The following CNOT4 variants were observed in gnomAD, a reference collection of about 807,000 sequenced individuals.
The protein encoded by CNOT4 is CCR4-associated factor 4.
CNOT4 carries 8 observed loss-of-function variants against 73.8 expected under a neutral mutation model. The observed-to-expected ratio is 0.11, with a 90% CI of 0.06 to 0.20. The LOEUF (loss-of-function observed/expected upper bound fraction) is 0.20, where lower values mean the gene tolerates loss of function less well. Among genes scored for constraint, CNOT4 ranks in the 10% least tolerant of loss-of-function variants. The pLI, the probability that CNOT4 is intolerant of heterozygous loss-of-function variation, is 1.00. For synonymous variants in CNOT4, 293 were observed against 321.1 expected (o/e 0.91, Z 0.94); for missense variants, 564 against 883.4 (o/e 0.64, Z 4.58).
chr7:135,462,424 C>T (rs1255683006), intron 1 of CNOT4, among the ~76,000 whole-genome samples: 2 of 151,996 alleles, frequency 1.3e-5, no homozygotes, highest in Non-Finnish European at 2.9e-5. Flanking sequence ...ATCCCATCTG[C>T]ACTCTAAGAG....
rs181165517 is a variant in CNOT4, at chr7:135,495,762, G to T, written c.-93+14127C>A. ...AGAAAGAAAGAAAGAAAGAAAGAAA[G>T]AAATTTAAGAACATTCAGGGCTGGG... On this transcript the variant is annotated intron_variant, in intron 1 of 11. Coordinates refer to ENST00000541284, the MANE Select transcript of CNOT4 (RefSeq NM_001190850.2). Among the ~76,000 whole-genome samples the T allele has an allele frequency of 5.1e-3, 657 of 129,256 alleles. 7 individuals carry two copies. The highest frequency in any genetic ancestry group is 0.01 in the African/African-American group (338 of 32,702). 84.8% of individuals were successfully genotyped at this position (129,256 alleles called of 152,430 possible).
intron 7 of CNOT4, among the ~76,000 whole-genome samples, chr7:135,404,924 G>A (rs1268243974): frequency 6.6e-6 from 1 of 152,068 alleles, no homozygotes; most frequent in Non-Finnish European, 1.5e-5. Flanking sequence ...CAAGCCTCAA[G>A]CACCAGATAT....
chr7:135,431,068 C>A (rs1177562479), intron 2 of CNOT4, among the ~76,000 whole-genome samples: 1 of 152,078 alleles, frequency 6.6e-6, no homozygotes, highest in African/African-American at 2.4e-5. Flanking sequence ...AGTTCAAGAC[C>A]AGCCTGGGCA....
chr7:135,386,763 G>A (rs1399470547), intron 10 of CNOT4: 1 of 152,228 alleles, frequency 6.6e-6, no homozygotes, highest in Non-Finnish European at 1.5e-5. Context: ...TGGGGGTGGG[G>A]AGGAGAAGCA....
intron 1 of CNOT4, among the ~76,000 whole-genome samples, chr7:135,447,910 A>G (rs958316494): frequency 5.9e-5 from 9 of 152,216 alleles, no homozygotes; most frequent in African/African-American, 2.2e-4. Flanking sequence ...ATTGTTAAAG[A>G]CAATAGAGTA....
chr7:135,448,144 G>T (rs962874642), intron 1 of CNOT4, among the ~76,000 whole-genome samples: 1 of 152,096 alleles, frequency 6.6e-6, no homozygotes, highest in Non-Finnish European at 1.5e-5. Flanking sequence ...GCAAATAATT[G>T]TAACAAGCCC....
At chr7:135,413,351 C>A in intron 6 of CNOT4, 137 bp downstream of exon 6, 1 of 973,282 alleles carries the variant, frequency 1.0e-6, no homozygotes, top group South Asian at 1.5e-5. Context: ...TTAAACACTT[C>A]ATTTGGCAAA....
At chr7:135,473,868 A>C in intron 1 of CNOT4, among the ~76,000 whole-genome samples, 1 of 151,574 alleles carries the variant, frequency 6.6e-6, no homozygotes, top group African/African-American at 2.4e-5. Flanking sequence ...AAAGGAACAA[A>C]CTCCCCCATC....
intron 10 of CNOT4, among the ~76,000 whole-genome samples, chr7:135,372,951 G>T (rs1795301269): frequency 1.3e-5 from 2 of 152,148 alleles, no homozygotes; most frequent in Non-Finnish European, 2.9e-5. Flanking sequence ...GTGATTCACA[G>T]GCCACAGAAG....
chr7:135,365,200 A>G (rs1047449748), intron 10 of CNOT4, among the ~76,000 whole-genome samples: 1 of 152,242 alleles, frequency 6.6e-6, no homozygotes, highest in Non-Finnish European at 1.5e-5. Flanking sequence ...CAACAAGTGA[A>G]GCATTTAACT....
At chr7:135,373,263 A>G (rs1026314909) in intron 10 of CNOT4, among the ~76,000 whole-genome samples, 5 of 152,246 alleles carry the variant, frequency 3.3e-5, no homozygotes, top group Non-Finnish European at 7.3e-5. Flanking sequence ...GCCTGATGCC[A>G]TATTTGACAG....
chr7:135,368,052 T>A (rs573369191), intron 10 of CNOT4, among the ~76,000 whole-genome samples: 2 of 152,088 alleles, frequency 1.3e-5, no homozygotes, highest in South Asian at 4.2e-4. Flanking sequence ...GGAAAGGGGG[T>A]CAAGTTGTTG....
intron 1 of CNOT4, among the ~76,000 whole-genome samples, chr7:135,471,993 T>C (rs1801610545): frequency 6.6e-6 from 1 of 151,046 alleles, no homozygotes. Context: ...GGCAACATGG[T>C]GAAACCCTGT....
intron 1 of CNOT4, among the ~76,000 whole-genome samples, chr7:135,501,110 A>G (rs1048997704): frequency 1.3e-5 from 2 of 150,746 alleles, no homozygotes; most frequent in African/African-American, 2.4e-5. Context: ...TCAGCCTCCC[A>G]AGTAGCTGGG....
At chr7:135,442,388 G>C (rs1166177417) in intron 1 of CNOT4, among the ~76,000 whole-genome samples, 1 of 152,116 alleles carries the variant, frequency 6.6e-6, no homozygotes, top group African/African-American at 2.4e-5. Flanking sequence ...CCTGAGGTCA[G>C]GAGTTCGAGA....
intron 1 of CNOT4, among the ~76,000 whole-genome samples, chr7:135,474,879 A>G (rs1270449293): frequency 6.6e-6 from 1 of 152,206 alleles, no homozygotes; most frequent in African/African-American, 2.4e-5. Context: ...TTTGAAAATT[A>G]ATGCAAAAAC....
intron 10 of CNOT4, among the ~76,000 whole-genome samples, chr7:135,377,887 A>G (rs1795607608): frequency 1.3e-5 from 2 of 152,218 alleles, no homozygotes; most frequent in East Asian, 1.9e-4. Flanking sequence ...AGATGAAAAT[A>G]TTTTCAAATA....
chr7:135,475,724 A>G (rs959681010), intron 1 of CNOT4, among the ~76,000 whole-genome samples: 21 of 152,342 alleles, frequency 1.4e-4, no homozygotes, highest in Middle Eastern at 6.8e-3. Flanking sequence ...AGCCAGGCCA[A>G]CATGGCAAGA....
chr7:135,394,482 A>G (rs1352880695), intron 9 of CNOT4, 67 bp from the exon 10 acceptor site: 2 of 1,290,932 alleles, frequency 1.5e-6, no homozygotes, highest in Non-Finnish European at 2.2e-6. Context: ...ATAAGTATCC[A>G]TGCTACTGAA....
Sources: allele counts gnomAD v4.1 joint callset (sites outside exome capture counted in the v4.1 genomes callset), GRCh38; gene constraint gnomAD v4.1.1; transcripts MANE v1.5; gene names NCBI Gene and HGNC (gene_info 2026-07-23, HGNC 2026-07-21).